Variants in ZNF654 observed in about 807,000 individuals in gnomAD.
ZNF654 encodes the protein zinc finger protein 654.
Under a neutral mutation model 95.3 loss-of-function variants are expected in ZNF654, and 19 were observed. The ratio of observed to expected loss-of-function variants is 0.20; its 90% confidence interval spans 0.14 to 0.29. The LOEUF is 0.29. Ranked by LOEUF, ZNF654 falls within the 10% of genes least tolerant of loss-of-function variation. The pLI is 1.00. For synonymous variants in ZNF654, 413 were observed against 457.9 expected, an observed-to-expected ratio of 0.90 and a Z score of 1.25; for missense variants, 1,046 against 1,341.0, an observed-to-expected ratio of 0.78 and a Z score of 3.44.
chr3:88,105,728 G>A (rs1226138723), intron 2 of ZNF654, among the ~76,000 whole-genome samples: 2 of 151,978 alleles, frequency 1.3e-5, no homozygotes, highest in African/African-American at 4.8e-5. Flanking sequence ...ATGAGAAATG[G>A]CATCTTGGTA....
chr3:88,081,730 CA>C (rs981581215), intron 1 of ZNF654, among the ~76,000 whole-genome samples: 2 of 152,180 alleles, frequency 1.3e-5, no homozygotes, highest in African/African-American at 4.8e-5. Flanking sequence ...GGCACCACAA[CA>C]AGTTCCAGGC....
At chr3:88,102,612 C>T (rs1169439283) in intron 2 of ZNF654, among the ~76,000 whole-genome samples, 2 of 152,160 alleles carry the variant, frequency 1.3e-5, no homozygotes, top group Admixed American at 1.3e-4. Context: ...TAGTATCTGG[C>T]AATTCAGCCT....
intron 2 of ZNF654, among the ~76,000 whole-genome samples, chr3:88,087,921 T>C (rs1708421845): frequency 1.3e-5 from 2 of 152,140 alleles, no homozygotes; most frequent in African/African-American, 4.8e-5. Flanking sequence ...ACTCTTTGAG[T>C]GCTAACGTGA....
intron 1 of ZNF654, among the ~76,000 whole-genome samples, chr3:88,085,117 T>A (rs1329942730): frequency 2.6e-5 from 4 of 152,226 alleles, no homozygotes. Flanking sequence ...CATGGAAAAT[T>A]GTCTCCCAGT....
In ZNF654 at chr3:88,109,405, G is replaced by A. The variant is rs182191913; in HGVS notation, c.333-3710G>A. Among the ~76,000 whole-genome samples, 5 of 152,060 alleles carry A rather than the reference G, an allele frequency of 3.3e-5. No homozygotes were observed. In the East Asian group the frequency reaches 9.7e-4, roughly 29 times the overall value. On this transcript the variant is annotated intron_variant, in intron 2 of 8. Coordinates refer to ENST00000636215, the MANE Select transcript of ZNF654 (RefSeq NM_001350134.2). ...GTTGAGTGTTTTAAATAAAATGTGG[G>A]TAAGAGTTTATTATATTATTGTTTG...
intron 1 of ZNF654, among the ~76,000 whole-genome samples, chr3:88,065,781 A>G (rs1368565570): frequency 6.6e-6 from 1 of 152,040 alleles, no homozygotes; most frequent in Non-Finnish European, 1.5e-5. Flanking sequence ...GCTGGAGTGC[A>G]GTGTTTGCCA....
intron 7 of ZNF654, among the ~76,000 whole-genome samples, chr3:88,137,264 A>G (rs1576352759): frequency 6.6e-6 from 1 of 151,924 alleles, no homozygotes; most frequent in East Asian, 1.9e-4. Context: ...TCTGTTTTGA[A>G]TGAATGGATT....
intron 1 of ZNF654, among the ~76,000 whole-genome samples, chr3:88,068,501 A>G (rs1707326680): frequency 6.6e-6 from 1 of 152,150 alleles, no homozygotes; most frequent in Admixed American, 6.5e-5. Flanking sequence ...ATGTATTTCT[A>G]CAACTAGAGT....
intron 2 of ZNF654, among the ~76,000 whole-genome samples, chr3:88,100,713 A>G (rs1309655855): frequency 6.6e-6 from 1 of 152,196 alleles, no homozygotes; most frequent in Non-Finnish European, 1.5e-5. Context: ...ACAAGGAAAG[A>G]AAACCAAACA....
intron 2 of ZNF654, among the ~76,000 whole-genome samples, chr3:88,108,601 C>G (rs1428786238): frequency 1.3e-5 from 2 of 152,008 alleles, no homozygotes; most frequent in South Asian, 2.1e-4. Flanking sequence ...GTGCATTATC[C>G]CTTTGTTCAG....
chr3:88,077,954 A>G (rs527839546), intron 1 of ZNF654, among the ~76,000 whole-genome samples: 4 of 152,322 alleles, frequency 2.6e-5, no homozygotes, highest in East Asian at 1.9e-4. Flanking sequence ...TTAGGTGACT[A>G]TTATGAATGT....
chr3:88,128,699 A>T, intron 4 of ZNF654, 110 bp from the exon 5 acceptor site: 2 of 697,524 alleles, frequency 2.9e-6, no homozygotes, highest in African/African-American at 1.8e-5. Flanking sequence ...AATGCTATTT[A>T]AGTAGTTAAA....
intron 1 of ZNF654, among the ~76,000 whole-genome samples, chr3:88,085,655 A>G (rs1420721715): frequency 2.6e-5 from 4 of 152,300 alleles, no homozygotes; most frequent in Non-Finnish European, 4.4e-5. Flanking sequence ...TCTCCATTTT[A>G]TGGTAAGGAA....
Position 88,059,339 on chromosome 3 carries a change from A to AC in ZNF654, c.22dup (p.Gln8ProfsTer24). 1 of 1,534,442 alleles carries AC rather than the reference A, an allele frequency of 6.5e-7. No individual in the cohort carries two copies. The highest frequency in any genetic ancestry group is 8.7e-7 in the Non-Finnish European group (1 of 1,146,680). On this transcript the variant is annotated frameshift_variant, in exon 1 of 9. Coordinates refer to ENST00000636215, the MANE Select transcript of ZNF654 (RefSeq NM_001350134.2). LOFTEE classifies it high-confidence loss of function. ...AGCCTCATGGCGGAGGAAGAGAGCG[A>AC]CCAAGAGGCCGAACGCCTCGGAGAA...
rs530679817 is a variant in ZNF654, at chr3:88,143,986, A to G, written c.*2334A>G. The G allele has an allele frequency of 1.3e-5, 2 of 152,432 alleles. No homozygotes were observed. Among genetic ancestry groups the G allele is most frequent in the African/African-American group, 2.4e-5 (1 of 41,552 alleles). 9.4% of individuals were successfully genotyped at this position (152,432 alleles called of 1,614,324 possible). A position where few individuals can be genotyped will look rare whatever the true frequency, so the allele number is the denominator to read the frequency against. ...CAGAAGAAAAGGAAGCTTGCTTCTT[A>G]TTCCTCAGATTCTTCTTTTTTTCTG... On this transcript the variant is annotated 3_prime_UTR_variant, in exon 9 of 9. Coordinates refer to ENST00000636215, the MANE Select transcript of ZNF654 (RefSeq NM_001350134.2).
At chr3:88,118,080 C>T (rs147427893) in intron 3 of ZNF654, among the ~76,000 whole-genome samples, 35 of 152,050 alleles carry the variant, frequency 2.3e-4, no homozygotes, top group African/African-American at 7.7e-4. Flanking sequence ...CCAACTAAAC[C>T]AGTAATCTAA....
At chr3:88,104,800 C>T (rs543307720) in intron 2 of ZNF654, among the ~76,000 whole-genome samples, 11 of 152,256 alleles carry the variant, frequency 7.2e-5, no homozygotes, top group African/African-American at 1.7e-4. Context: ...ACAGAACAAA[C>T]AAAACTATTA....
At chr3:88,084,109 A>T (rs1708222855) in intron 1 of ZNF654, among the ~76,000 whole-genome samples, 2 of 152,138 alleles carry the variant, frequency 1.3e-5, no homozygotes, top group African/African-American at 2.4e-5. Context: ...AGCAAACCTA[A>T]TGGAGGTGTT....
intron 5 of ZNF654, among the ~76,000 whole-genome samples, chr3:88,129,244 GTAT>G (rs962793022): frequency 1.5e-5 from 2 of 136,426 alleles, no homozygotes; most frequent in Non-Finnish European, 3.1e-5. Context: ...TCATTAATAA[GTAT>G]TATTCACATT....
Sources: gnomAD v4.1 joint callset for allele counts (sites outside exome capture counted in the v4.1 genomes callset) on GRCh38, gnomAD v4.1.1 for gene constraint, MANE v1.5 for transcripts, NCBI Gene and HGNC (gene_info 2026-07-23, HGNC 2026-07-21) for gene names.